The following TTC28 variants were observed in gnomAD, a reference collection of about 807,000 sequenced individuals.
TTC28 encodes tetratricopeptide repeat domain 28.
TTC28 carries 61 observed loss-of-function variants against 198.0 expected under a neutral mutation model. The observed-to-expected ratio is 0.31, with a 90% CI of 0.25 to 0.38. The LOEUF (loss-of-function observed/expected upper bound fraction) is 0.38, where lower values mean the gene tolerates loss of function less well. TTC28 is among the 10% of genes least tolerant of loss of function. TTC28 has a pLI of 1.00. For missense variants in TTC28, 2,678 were observed against 3,164.0 expected (o/e 0.85, Z 3.69); for synonymous variants, 1,171 against 1,297.8 (o/e 0.90, Z 2.10).
At chr22:28,023,094 G>A (rs1938678247) in intron 13 of TTC28, among the ~76,000 whole-genome samples, 1 of 152,234 alleles carries the variant, frequency 6.6e-6, no homozygotes, top group African/African-American at 2.4e-5. Flanking sequence ...TGAATCTGGA[G>A]CCGCATGTGG....
intron 12 of TTC28, among the ~76,000 whole-genome samples, chr22:28,085,560 C>G (rs1291202115): frequency 6.6e-6 from 1 of 152,118 alleles, no homozygotes; most frequent in East Asian, 1.9e-4. Flanking sequence ...CAAAATCATG[C>G]CAAACTGTAA....
intron 2 of TTC28, among the ~76,000 whole-genome samples, chr22:28,622,692 C>T (rs2051018894): frequency 6.6e-6 from 1 of 152,100 alleles, no homozygotes; most frequent in Non-Finnish European, 1.5e-5. Context: ...CAAGACACAA[C>T]TATATGTTGT....
intron 5 of TTC28, among the ~76,000 whole-genome samples, chr22:28,196,236 G>A (rs894685670): frequency 2.6e-5 from 4 of 152,144 alleles, no homozygotes; most frequent in Non-Finnish European, 4.4e-5. Flanking sequence ...CTAGCCATAT[G>A]TAGAAAGCTG....
In TTC28 at chr22:28,187,528, C is replaced by G. The variant is rs577594023; in HGVS notation, c.934-23929G>C. On this transcript the variant is annotated intron_variant, in intron 5 of 22. Coordinates refer to ENST00000397906, the MANE Select transcript of TTC28 (RefSeq NM_001145418.2). ...CACAACACTATACACTGTAGGCTCC[C>G]CTCAGAATTTGTCACTGTTTCTCAG... Among the ~76,000 whole-genome samples the G allele has an allele frequency of 2.6e-5, 4 of 152,298 alleles. No homozygotes were observed. In the East Asian group the frequency reaches 5.8e-4, roughly 22 times the overall value.
chr22:28,444,542 A>C (rs886858677), intron 2 of TTC28, among the ~76,000 whole-genome samples: 5 of 152,202 alleles, frequency 3.3e-5, no homozygotes, highest in Non-Finnish European at 7.3e-5. Flanking sequence ...GGTACTATTT[A>C]TTGAGCCACT....
intron 2 of TTC28, among the ~76,000 whole-genome samples, chr22:28,591,082 T>TAC (rs2050428019): frequency 2.6e-5 from 3 of 116,842 alleles, no homozygotes; most frequent in Admixed American, 9.2e-5. Context: ...TATATATATA[T>TAC]ATAGGAATTG....
Position 28,629,721 on chromosome 22 carries a change from T to A in TTC28, c.212A>T (p.Asp71Val). The A allele has an allele frequency of 2.6e-6, 4 of 1,551,690 alleles. No homozygotes were observed. The highest frequency in any genetic ancestry group is 2.6e-6 in the Non-Finnish European group (3 of 1,146,998). The change falls in exon 2 of 23, where the codon GAT (aspartate) becomes GTT (valine). Residue 71 changes from aspartate to valine, a missense_variant. Asp to Val is a radical substitution (Grantham distance 152). Around this residue, in one of 8 missense-constraint regions of TTC28, gnomAD observed 176 missense variants for 197.9 expected, o/e 0.89. Transcript: ENST00000397906. ...KVRQSNQACH[D>V]GDFHTAIVLY... The stretch of plus-strand genomic sequence containing the variant: ...AACAATAGCTGTGTGGAAATCTCCA[T>A]CATGACAGGCCTGATTACTCTGACG...
chr22:28,679,675 G>A lies in TTC28; in HGVS notation c.49C>T (p.Pro17Ser), dbSNP rs1241276322. The A allele has an allele frequency of 3.7e-6, 5 of 1,361,802 alleles. No individual in the cohort carries two copies. Among genetic ancestry groups the A allele is most frequent in the Non-Finnish European group, 3.8e-6 (4 of 1,063,582 alleles). 84.4% of individuals were successfully genotyped at this position (1,361,802 alleles called of 1,614,324 possible). ...PAPEPTQGPT[P>S]ARSRRRREPE... is the part of the protein sequence containing the mutation. ...TCCCGCCGCCTTCGGCTCCTTGCGG[G>A]GGTCGGCCCTTGGGTCGGCTCGGGC... The change falls in exon 1 of 23, where the codon CCC (proline) becomes TCC (serine). Residue 17 changes from proline to serine, a missense_variant. Pro to Ser is a moderately conservative substitution (Grantham distance 74). Around this residue, in one of 8 missense-constraint regions of TTC28, gnomAD observed 22 missense variants for 55.0 expected, o/e 0.40. Coordinates refer to ENST00000397906, the MANE Select transcript of TTC28 (RefSeq NM_001145418.2).
intron 12 of TTC28, among the ~76,000 whole-genome samples, chr22:28,059,562 T>C (rs542263499): frequency 6.6e-6 from 1 of 152,194 alleles, no homozygotes; most frequent in East Asian, 1.9e-4. Flanking sequence ...TTTTGTATCA[T>C]CTATGTTTTA....
At chr22:28,353,663 G>A (rs2046033163) in intron 2 of TTC28, among the ~76,000 whole-genome samples, 1 of 152,210 alleles carries the variant, frequency 6.6e-6, no homozygotes, top group East Asian at 1.9e-4. Context: ...AAGAATGAAG[G>A]TGGACCCTTA....
At chr22:28,641,330 A>T (rs1405803037) in intron 1 of TTC28, among the ~76,000 whole-genome samples, 2 of 152,192 alleles carry the variant, frequency 1.3e-5, no homozygotes, top group Non-Finnish European at 2.9e-5. Flanking sequence ...CTCAAAAAAA[A>T]AAAATAAAGA....
chr22:28,096,153 C>G (rs1303252553), intron 11 of TTC28, 37 bp downstream of exon 11: 1 of 1,501,418 alleles, frequency 6.7e-7, no homozygotes, highest in East Asian at 2.5e-5. Flanking sequence ...CAGGTCTAGT[C>G]TTCTAATTGC....
intron 2 of TTC28, among the ~76,000 whole-genome samples, chr22:28,593,489 G>C (rs779329657): frequency 5.9e-5 from 9 of 151,956 alleles, no homozygotes; most frequent in African/African-American, 1.2e-4. Context: ...AGGTAGGTAG[G>C]TAGGTAGGTA....
intron 1 of TTC28, among the ~76,000 whole-genome samples, chr22:28,671,551 C>T (rs2051884688): frequency 6.8e-6 from 1 of 148,096 alleles, no homozygotes; most frequent in African/African-American, 2.5e-5. Flanking sequence ...AGGAGAATGG[C>T]GTGAACCCGG....
At chr22:28,445,770 GATAATATACACTAT>G in intron 2 of TTC28, among the ~76,000 whole-genome samples, 1 of 151,842 alleles carries the variant, frequency 6.6e-6, no homozygotes, top group South Asian at 2.1e-4. Context: ...TCTCATCTAA[GATAATATACACTAT>G]GACTCTCACA....
chr22:28,415,754 AGGAAAG>A (rs756440784), intron 2 of TTC28, among the ~76,000 whole-genome samples: 6 of 152,196 alleles, frequency 3.9e-5, no homozygotes, highest in Non-Finnish European at 7.4e-5. Context: ...TTCCAATGAG[AGGAAAG>A]GGATCACACC....
At chr22:28,244,076 C>T (rs1457251343) in intron 5 of TTC28, among the ~76,000 whole-genome samples, 1 of 152,010 alleles carries the variant, frequency 6.6e-6, no homozygotes, top group East Asian at 1.9e-4. Flanking sequence ...TTCAGAAATG[C>T]TAAAATGTGA....
chr22:28,083,919 A>T (rs1388636163), intron 12 of TTC28, among the ~76,000 whole-genome samples: 2 of 152,244 alleles, frequency 1.3e-5, no homozygotes, highest in Non-Finnish European at 2.9e-5. Flanking sequence ...CATTGCTAGC[A>T]CAGCAGTCTG....
chr22:28,325,967 G>A (rs1317499545), intron 2 of TTC28, among the ~76,000 whole-genome samples: 1 of 151,994 alleles, frequency 6.6e-6, no homozygotes, highest in Non-Finnish European at 1.5e-5. Flanking sequence ...ATATGACCCA[G>A]CAATCCCACT....
Sources: allele counts gnomAD v4.1 joint callset (sites outside exome capture counted in the v4.1 genomes callset), GRCh38; gene constraint gnomAD v4.1.1; regional missense constraint gnomAD v4.1.1; transcripts MANE v1.5; gene names NCBI Gene and HGNC (gene_info 2026-07-23, HGNC 2026-07-21).